CALN1: variants seen among roughly 807,000 people sequenced by gnomAD.
The protein encoded by CALN1 is calneuron 1.
A neutral mutation model predicts 30.6 loss-of-function variants in CALN1; 17 were observed. The observed-to-expected ratio is 0.56, with a 90% confidence interval of 0.38 to 0.83. The LOEUF is 0.83. Among genes scored for constraint, CALN1 ranks in the 40% least tolerant of loss-of-function variants. The pLI is 0.00. For synonymous variants in CALN1, 156 were observed against 131.4 expected, an observed-to-expected ratio of 1.19 and a Z score of -1.28; for missense variants, 291 against 354.9, an observed-to-expected ratio of 0.82 and a Z score of 1.45.
chr7:71,906,290 GGCTTTGGGAAGT>G (rs1794132830), intron 5 of CALN1, among the ~76,000 whole-genome samples: 1 of 152,100 alleles, frequency 6.6e-6, no homozygotes, highest in Non-Finnish European at 1.5e-5. Context: ...CCATTTTCCA[GGCTTTGGGAAGT>G]GCAATTTAGA....
chr7:72,206,107 G>A (rs1272796935), intron 3 of CALN1, among the ~76,000 whole-genome samples: 1 of 152,014 alleles, frequency 6.6e-6, no homozygotes, highest in African/African-American at 2.4e-5. Flanking sequence ...TCACCATTTT[G>A]TTTTTGTTTT....
At chr7:72,371,658 A>G (rs932197167) in intron 2 of CALN1, among the ~76,000 whole-genome samples, 1 of 152,204 alleles carries the variant, frequency 6.6e-6, no homozygotes, top group Non-Finnish European at 1.5e-5. Flanking sequence ...ATAAGAATGG[A>G]CTAATGTAGC....
rs753778968 is a variant in CALN1 at position 72,403,315 on chromosome 7, C to T, written c.55G>A (p.Asp19Asn). 9.0e-6 allele frequency: 14 copies of T among 1,550,016 alleles called. No individual in the cohort carries two copies. The highest frequency in any genetic ancestry group is 1.4e-5 in the African/African-American group (1 of 73,086). Residue 19 changes from aspartate (D) to asparagine (N), a missense_variant, in exon 2 of 7, where the codon GAC (aspartate) becomes AAC (asparagine). Around this residue, in one of 2 missense-constraint regions of CALN1, gnomAD observed 122 missense variants for 103.2 expected, o/e 1.18. Coordinates refer to ENST00000395275, the MANE Select transcript of CALN1 (RefSeq NM_031468.4). Reference sequence around the variant, plus strand: ...TCTCCCCCTCCGAGGGCTCCTCCGTCCCCCTTTTTCTCATTCTCGGGCTTC... The same window carrying T: ...TCTCCCCCTCCGAGGGCTCCTCCGTTCCCCTTTTTCTCATTCTCGGGCTTC... ...EGKPENEKKG[D>N]GGALGGGEEP...
chr7:72,396,824 A>AC (rs1383344735), intron 2 of CALN1, among the ~76,000 whole-genome samples: 1 of 152,150 alleles, frequency 6.6e-6, no homozygotes, highest in Non-Finnish European at 1.5e-5. Flanking sequence ...CACACTGAGA[A>AC]CTTCGTTGAG....
At chr7:72,327,241 C>A (rs569163437) in intron 2 of CALN1, among the ~76,000 whole-genome samples, 1 of 152,348 alleles carries the variant, frequency 6.6e-6, no homozygotes, top group Admixed American at 6.5e-5. Context: ...CGCCTGTAAT[C>A]CCAGCACTTT....
intron 6 of CALN1, among the ~76,000 whole-genome samples, chr7:71,800,835 G>A (rs906069525): frequency 5.3e-5 from 8 of 152,114 alleles, no homozygotes; most frequent in Admixed American, 1.3e-4. Context: ...TAAGTTCCAT[G>A]ATACATGTGC....
At chr7:72,352,053 C>T (rs113374456) in intron 2 of CALN1, among the ~76,000 whole-genome samples, 10 of 151,896 alleles carry the variant, frequency 6.6e-5, no homozygotes, top group Admixed American at 5.9e-4. Flanking sequence ...CCAAGGCAGG[C>T]AGATCACTTG....
chr7:72,419,520 G>C (rs72607600), intron 1 of CALN1, among the ~76,000 whole-genome samples: 2 of 152,120 alleles, frequency 1.3e-5, no homozygotes, highest in South Asian at 4.2e-4. Flanking sequence ...GCATGAATAC[G>C]GGTGTCCCAG....
intron 2 of CALN1, 26 bp from the exon 3 acceptor site, chr7:72,278,836 G>A: frequency 6.3e-7 from 1 of 1,590,394 alleles, no homozygotes. Flanking sequence ...CAGGGGAGGG[G>A]AAAAGAAAGA....
chr7:72,030,277 A>C (rs1801352593), intron 4 of CALN1, among the ~76,000 whole-genome samples: 1 of 152,194 alleles, frequency 6.6e-6, no homozygotes, highest in African/African-American at 2.4e-5. Context: ...TTGGAGGAAC[A>C]ATCAGGATAG....
rs555250887 is a variant in CALN1, at chr7:71,869,802, A to C, written c.502-59310T>G. Among the ~76,000 whole-genome samples the C allele has an allele frequency of 5.9e-5, 9 of 152,258 alleles. No homozygotes were observed. In the East Asian group the frequency reaches 1.4e-3, roughly 23 times the overall value. On this transcript the variant is annotated intron_variant, in intron 5 of 6. Coordinates refer to ENST00000395275, the MANE Select transcript of CALN1 (RefSeq NM_031468.4). The stretch of plus-strand genomic sequence containing the variant: ...TTTGAAGGAGACAATGGAATCGTGT[A>C]ATACAATTGGAAGATGCCCCAGAAA...
intron 5 of CALN1, among the ~76,000 whole-genome samples, chr7:71,985,831 C>G (rs1798643048): frequency 6.6e-6 from 1 of 151,976 alleles, no homozygotes; most frequent in Admixed American, 6.6e-5. Context: ...CTCAGATGAT[C>G]CACCCACCTT....
intron 5 of CALN1, among the ~76,000 whole-genome samples, chr7:71,970,140 C>A (rs756153023): frequency 6.6e-6 from 1 of 152,162 alleles, no homozygotes; most frequent in Non-Finnish European, 1.5e-5. Context: ...TGAGCCACCA[C>A]GCCCGGCCCA....
intron 1 of CALN1, among the ~76,000 whole-genome samples, chr7:72,431,867 G>A (rs1807990747): frequency 6.8e-6 from 1 of 146,106 alleles, no homozygotes; most frequent in Non-Finnish European, 1.5e-5. Context: ...AAAAAACTAA[G>A]TCAGACTATC....
At chr7:71,859,026 A>C (rs1791116469) in intron 5 of CALN1, among the ~76,000 whole-genome samples, 2 of 151,826 alleles carry the variant, frequency 1.3e-5, no homozygotes, top group African/African-American at 4.9e-5. Flanking sequence ...TCTGCTGGGT[A>C]ATCATTTTTC....
chr7:72,415,007 A>G (rs1046315565), upstream of CALN1, among the ~76,000 whole-genome samples: 6 of 152,228 alleles, frequency 3.9e-5, no homozygotes, highest in African/African-American at 1.4e-4. Flanking sequence ...AGAGGAAGAG[A>G]GGGATCTCTA....
intron 5 of CALN1, among the ~76,000 whole-genome samples, chr7:71,901,513 C>CA (rs1248812465): frequency 6.7e-6 from 1 of 149,896 alleles, no homozygotes; most frequent in African/African-American, 2.4e-5. Context: ...TACCTAACTT[C>CA]AAATTATACT....
intron 5 of CALN1, among the ~76,000 whole-genome samples, chr7:72,018,536 C>A (rs1030399440): frequency 6.6e-6 from 1 of 152,170 alleles, no homozygotes; most frequent in Non-Finnish European, 1.5e-5. Context: ...CATAGGAAAG[C>A]GGTTCTGAAC....
intron 3 of CALN1, among the ~76,000 whole-genome samples, chr7:72,231,668 A>C (rs1355312389): frequency 2.0e-5 from 3 of 152,154 alleles, no homozygotes; most frequent in Non-Finnish European, 4.4e-5. Flanking sequence ...CTAATTTATA[A>C]ATGAAACTTT....
Sources: allele counts gnomAD v4.1 joint callset (sites outside exome capture counted in the v4.1 genomes callset), GRCh38; gene constraint gnomAD v4.1.1; regional missense constraint gnomAD v4.1.1; transcripts MANE v1.5; gene names NCBI Gene and HGNC (gene_info 2026-07-23, HGNC 2026-07-21).